The following MCF2L2 variants were observed in gnomAD, a reference collection of about 807,000 sequenced individuals.
MCF2L2 encodes MCF.2 cell line derived transforming sequence-like 2, also known as probable guanine nucleotide exchange factor MCF2L2.
In MCF2L2, 102 loss-of-function variants were observed where a neutral mutation model predicts 150.2. The observed-to-expected ratio is 0.68, with a 90% CI of 0.58 to 0.80. The LOEUF (loss-of-function observed/expected upper bound fraction) is 0.80, where lower values mean the gene tolerates loss of function less well. Ranked by LOEUF, MCF2L2 falls within the 30% of genes least tolerant of loss-of-function variation. The pLI is 0.00. For missense variants in MCF2L2, 1,256 were observed against 1,372.8 expected, an observed-to-expected ratio of 0.91 and a Z score of 1.34; for synonymous variants, 465 against 491.3, an observed-to-expected ratio of 0.95 and a Z score of 0.71.
At chr3:183,191,769 T>C (rs904260770) in intron 27 of MCF2L2, among the ~76,000 whole-genome samples, 1 of 152,212 alleles carries the variant, frequency 6.6e-6, no homozygotes, top group Non-Finnish European at 1.5e-5. Flanking sequence ...ATTTGACGGC[T>C]TCTCTTTGGC....
intron 25 of MCF2L2, among the ~76,000 whole-genome samples, chr3:183,203,857 T>G (rs544503163): frequency 1.2e-3 from 178 of 152,312 alleles, no homozygotes; most frequent in African/African-American, 3.9e-3. Context: ...ATAGAAGGAC[T>G]CTTCAATAAG....
chr3:183,200,836 A>G (rs1483722577), intron 25 of MCF2L2, among the ~76,000 whole-genome samples: 1 of 152,260 alleles, frequency 6.6e-6, no homozygotes, highest in Non-Finnish European at 1.5e-5. Flanking sequence ...TCAGCTTTCT[A>G]CATATGGCTA....
intron 4 of MCF2L2, 109 bp from the exon 5 acceptor site, chr3:183,339,028 T>C (rs1730602121): frequency 9.3e-7 from 1 of 1,074,418 alleles, no homozygotes; most frequent in African/African-American, 1.6e-5. Flanking sequence ...GAAGGAAAAG[T>C]TAAAACGGAT....
chr3:183,191,177 A>C (rs1670419634), intron 27 of MCF2L2, among the ~76,000 whole-genome samples: 2 of 152,078 alleles, frequency 1.3e-5, no homozygotes, highest in Admixed American at 6.6e-5. Context: ...CACCCGGCTG[A>C]CTTTATTTTT....
At chr3:183,212,796 GT>G (rs1722778967) in intron 22 of MCF2L2, among the ~76,000 whole-genome samples, 1 of 152,058 alleles carries the variant, frequency 6.6e-6, no homozygotes, top group Admixed American at 6.5e-5. Flanking sequence ...GGGCAAAGAG[GT>G]ATCTTCCTTT....
chr3:183,341,250 G>A (rs545568578), intron 4 of MCF2L2, among the ~76,000 whole-genome samples: 8 of 152,316 alleles, frequency 5.3e-5, no homozygotes, highest in African/African-American at 1.9e-4. Context: ...AGTGGTTGCA[G>A]GTTACTCCCC....
At position 183,352,276 on chromosome 3, in the gene MCF2L2, A is replaced by C. The variant is rs190211216; in HGVS notation, c.276-10646T>G. On this transcript the variant is annotated intron_variant, in intron 3 of 29. Transcript: ENST00000328913. Reference sequence around the variant, plus strand: ...GGTGGCTCACACCTGTAATCCCAGCACTTTGGGAGGCTGAGGCGGGCAGAT... The same window carrying C: ...GGTGGCTCACACCTGTAATCCCAGCCCTTTGGGAGGCTGAGGCGGGCAGAT... 1.4e-3 allele frequency among the ~76,000 whole-genome samples: 214 copies of C among 152,108 alleles called. 1 individual carries two copies. The highest frequency in any genetic ancestry group is 5.0e-3 in the African/African-American group (206 of 41,508).
intron 15 of MCF2L2, among the ~76,000 whole-genome samples, chr3:183,252,988 C>A (rs1724639160): frequency 6.6e-6 from 1 of 152,196 alleles, no homozygotes; most frequent in Non-Finnish European, 1.5e-5. Flanking sequence ...AGGAAAATAG[C>A]TCAAAGAGGA....
In MCF2L2 at chr3:183,179,592, C is replaced by A. The variant is rs779064033; in HGVS notation, c.3206G>T (p.Arg1069Leu). The change falls in exon 29 of 30, where the codon CGC becomes CTC. Residue 1069 changes from arginine to leucine, a missense_variant. Coordinates refer to ENST00000328913, the MANE Select transcript of MCF2L2 (RefSeq NM_015078.4). This position sits in a 1 kb window ranked among gnomAD's most constrained non-coding sequence, Gnocchi z 4.2. ...GESSQGEKEE[R>L]DEEETATRST... is the part of the protein sequence containing the mutation. ...TCACACTCACGTTTCCTCCTCATCG[C>A]GTTCTTCTTTTTCTCCCTGGCTGCT... 6.2e-7 allele frequency: 1 copy of A among 1,614,130 alleles called. No individual in the cohort carries two copies. Among genetic ancestry groups the A allele is most frequent in the East Asian group, 2.2e-5 (1 of 44,878 alleles).
chr3:183,406,497 G>GT (rs546537165), intron 1 of MCF2L2, among the ~76,000 whole-genome samples: 5 of 151,672 alleles, frequency 3.3e-5, no homozygotes, highest in South Asian at 2.1e-4. Context: ...ACAAGTCTTG[G>GT]TTTTTTTTGA....
chr3:183,182,565 A>G (rs35813649), intron 27 of MCF2L2: 23,434 of 152,664 alleles, frequency 0.15, 2,119 homozygotes, highest in East Asian at 0.31. Flanking sequence ...ATCCTAGGAG[A>G]CAAAGCAGGA....
chr3:183,180,671 T>C (rs1228943247), intron 27 of MCF2L2, among the ~76,000 whole-genome samples: 4 of 152,218 alleles, frequency 2.6e-5, no homozygotes, highest in Non-Finnish European at 5.9e-5. Context: ...CAGTCTTGTC[T>C]ATGGCGCACA....
Position 183,179,892 on chromosome 3 carries a change from C to G in MCF2L2, c.3105+179G>C, listed in dbSNP as rs1309806380. On this transcript the variant is annotated intron_variant, in intron 28 of 29. Transcript: ENST00000328913. The surrounding 1 kb of genome is among the most constrained non-coding windows in gnomAD (Gnocchi z 4.2). ...GACAGCCACGTGGGGACATGCTGGA[C>G]TAGGAGGGTCAGAGCCAGTTTGAGG... is the stretch of plus-strand genomic sequence containing the variant. Among the ~76,000 whole-genome samples the G allele has an allele frequency of 6.6e-6, 1 of 152,144 alleles. No individual in the cohort carries two copies. Among genetic ancestry groups the G allele is most frequent in the Non-Finnish European group, 1.5e-5 (1 of 68,018 alleles).
chr3:183,199,282 C>A (rs1171884276), intron 25 of MCF2L2, among the ~76,000 whole-genome samples: 2 of 152,094 alleles, frequency 1.3e-5, no homozygotes, highest in Admixed American at 1.3e-4. Flanking sequence ...ATTTTTCTTA[C>A]CCAAAATGCA....
chr3:183,263,671 C>A (rs1011672873), intron 15 of MCF2L2, among the ~76,000 whole-genome samples: 1 of 152,262 alleles, frequency 6.6e-6, no homozygotes, highest in African/African-American at 2.4e-5. Flanking sequence ...CTGTCTAACT[C>A]GTCTTAGATT....
At chr3:183,379,020 G>A in intron 3 of MCF2L2, 1 of 365,566 alleles carries the variant, frequency 2.7e-6, no homozygotes, top group South Asian at 6.5e-5. Flanking sequence ...AGGAACAAAG[G>A]CAACACAGCT....
At chr3:183,349,438 C>T (rs1436618363) in intron 3 of MCF2L2, among the ~76,000 whole-genome samples, 1 of 151,692 alleles carries the variant, frequency 6.6e-6, no homozygotes, top group East Asian at 1.9e-4. Context: ...TGATTTTTTT[C>T]TTTGATTCAT....
chr3:183,412,674 T>A (rs1038593024), intron 1 of MCF2L2, among the ~76,000 whole-genome samples: 3 of 152,174 alleles, frequency 2.0e-5, no homozygotes, highest in Non-Finnish European at 4.4e-5. Context: ...ATACAGATAG[T>A]TTTACTCCCT....
chr3:183,282,474 T>G (rs1461190704), intron 14 of MCF2L2, among the ~76,000 whole-genome samples: 2 of 152,244 alleles, frequency 1.3e-5, no homozygotes, highest in African/African-American at 2.4e-5. Context: ...AAAAACATCT[T>G]CTTATAAAGC....
Sources: allele counts gnomAD v4.1 joint callset (sites outside exome capture counted in the v4.1 genomes callset), GRCh38; gene constraint gnomAD v4.1.1; non-coding constraint Gnocchi (gnomAD v3.1); transcripts MANE v1.5; gene names NCBI Gene and HGNC (gene_info 2026-07-23, HGNC 2026-07-21).